LRP1B: variants seen among roughly 807,000 people sequenced by gnomAD.
LRP1B encodes low-density lipoprotein receptor-related protein 1B.
A neutral mutation model predicts 556.6 loss-of-function variants in LRP1B; 217 were observed. That is an observed-to-expected ratio of 0.39 (90% CI 0.35 to 0.44). The LOEUF (loss-of-function observed/expected upper bound fraction) is 0.44, where lower values mean the gene tolerates loss of function less well. Among genes scored for constraint, LRP1B ranks in the 20% least tolerant of loss-of-function variants. The pLI, the probability that LRP1B is intolerant of heterozygous loss-of-function variation, is 1.00. For missense variants in LRP1B, 5,053 were observed against 5,620.8 expected (o/e 0.90, Z 3.23); for synonymous variants, 2,047 against 1,865.8 (o/e 1.10, Z -2.50).
chr2:141,158,877 T>C lies in LRP1B; in HGVS notation c.1013+29544A>G, dbSNP rs550331761. Among the ~76,000 whole-genome samples the C allele has an allele frequency of 2.1e-4, 32 of 152,296 alleles. No homozygotes were observed. The South Asian group carries it at 6.6e-3, about 32-fold the overall frequency. ...AATCAAGACCTAAATTGGTGAACTGTAACTCAGCTGGAAGCATCAATCTGG... is the reference window on the plus strand; with the variant it reads ...AATCAAGACCTAAATTGGTGAACTGCAACTCAGCTGGAAGCATCAATCTGG... On this transcript the variant is annotated intron_variant, in intron 7 of 90. Coordinates refer to ENST00000389484, the MANE Select transcript of LRP1B (RefSeq NM_018557.3).
chr2:140,715,314 G>A (rs1050462440), intron 37 of LRP1B, among the ~76,000 whole-genome samples: 1 of 152,002 alleles, frequency 6.6e-6, no homozygotes, highest in African/African-American at 2.4e-5. Context: ...TGTTATTGCA[G>A]TATATAAGAT....
intron 3 of LRP1B, among the ~76,000 whole-genome samples, chr2:141,347,989 T>A (rs1033019195): frequency 2.6e-5 from 4 of 152,084 alleles, no homozygotes; most frequent in African/African-American, 9.7e-5. Flanking sequence ...GCCTGTTAAA[T>A]CAGACCAGGT....
At chr2:140,234,934 C>T (rs2104875094) in intron 89 of LRP1B, 50 bp from the exon 90 acceptor site, 1 of 739,676 alleles carries the variant, frequency 1.4e-6, no homozygotes, top group South Asian at 1.5e-5. Context: ...TATAGAATCA[C>T]TTTTCATCGA....
chr2:141,058,570 T>C (rs1035407386), intron 9 of LRP1B, among the ~76,000 whole-genome samples: 1 of 151,900 alleles, frequency 6.6e-6, no homozygotes, highest in Non-Finnish European at 1.5e-5. Context: ...CAAAATGATA[T>C]TTAAAAGGAA....
chr2:141,617,684 C>A (rs1688358543), intron 2 of LRP1B, among the ~76,000 whole-genome samples: 2 of 152,126 alleles, frequency 1.3e-5, no homozygotes, highest in South Asian at 4.1e-4. Context: ...ACAATACTGA[C>A]AGATTCACAA....
chr2:142,015,259 A>G (rs1317137641), intron 1 of LRP1B, among the ~76,000 whole-genome samples: 1 of 152,200 alleles, frequency 6.6e-6, no homozygotes, highest in African/African-American at 2.4e-5. Context: ...CCTGACAAAA[A>G]TAATCAATGG....
intron 58 of LRP1B, among the ~76,000 whole-genome samples, chr2:140,486,857 T>C (rs1344638589): frequency 1.3e-5 from 2 of 151,904 alleles, no homozygotes; most frequent in African/African-American, 2.4e-5. Context: ...TGTTTCATCA[T>C]TGTACATGCA....
intron 3 of LRP1B, among the ~76,000 whole-genome samples, chr2:141,467,102 GTATATATATATATATATATATC>G (rs1682245548): frequency 5.6e-4 from 47 of 84,382 alleles, no homozygotes; most frequent in African/African-American, 2.7e-3. Flanking sequence ...ATATATATGT[GTATATATATATATATATATATC>G]TATATATATA....
At chr2:141,415,836 TAAAG>T (rs1287448877) in intron 3 of LRP1B, among the ~76,000 whole-genome samples, 5 of 152,196 alleles carry the variant, frequency 3.3e-5, no homozygotes, top group African/African-American at 1.2e-4. Flanking sequence ...GGAAATGTAA[TAAAG>T]AAAGTTCTCA....
chr2:140,862,740 A>G (rs1340764945), intron 27 of LRP1B, among the ~76,000 whole-genome samples: 4 of 152,314 alleles, frequency 2.6e-5, no homozygotes, highest in Middle Eastern at 3.4e-3. Flanking sequence ...AGCTGGTAAA[A>G]TGTTATTTCT....
At chr2:141,299,094 T>C (rs895766766) in intron 3 of LRP1B, among the ~76,000 whole-genome samples, 1 of 152,060 alleles carries the variant, frequency 6.6e-6, no homozygotes, top group Non-Finnish European at 1.5e-5. Flanking sequence ...AACTTGCAGC[T>C]AGTGTCAGAA....
intron 84 of LRP1B, among the ~76,000 whole-genome samples, chr2:140,291,320 T>TATATATATATGTATATATA (rs745524571): frequency 3.9e-5 from 2 of 51,856 alleles, no homozygotes; most frequent in Non-Finnish European, 7.7e-5. Flanking sequence ...ATATATATAT[T>TATATATATATGTATATATA]TTTATTATAC....
intron 1 of LRP1B, among the ~76,000 whole-genome samples, chr2:141,889,629 C>G (rs745968848): frequency 6.6e-6 from 1 of 152,106 alleles, no homozygotes; most frequent in Non-Finnish European, 1.5e-5. Flanking sequence ...ATCGTCTTAT[C>G]TCCAGGGTTT....
intron 41 of LRP1B, among the ~76,000 whole-genome samples, chr2:140,626,565 A>T (rs1023955365): frequency 6.6e-6 from 1 of 152,126 alleles, no homozygotes; most frequent in Non-Finnish European, 1.5e-5. Context: ...TAAAATACAA[A>T]CATCAAACAA....
intron 72 of LRP1B, among the ~76,000 whole-genome samples, chr2:140,361,323 T>C (rs1323840625): frequency 9.0e-6 from 1 of 111,420 alleles, no homozygotes; most frequent in Non-Finnish European, 1.8e-5. Context: ...TGAATATTTA[T>C]CAATGCTACT....
chr2:141,329,655 A>AAAAAAAAAAAAAC (rs1687567484), intron 3 of LRP1B, among the ~76,000 whole-genome samples: 4 of 138,076 alleles, frequency 2.9e-5, no homozygotes, highest in African/African-American at 1.1e-4. Context: ...AAAAAAAAAA[A>AAAAAAAAAAAAAC]AAAAAAAAAA....
intron 3 of LRP1B, among the ~76,000 whole-genome samples, chr2:141,472,871 G>T (rs565168754): frequency 1.3e-5 from 2 of 151,958 alleles, no homozygotes; most frequent in East Asian, 3.9e-4. Context: ...ATTCTGTTTG[G>T]AGGAAGAGAA....
intron 2 of LRP1B, among the ~76,000 whole-genome samples, chr2:141,644,172 G>A (rs941986694): frequency 2.6e-5 from 4 of 151,980 alleles, no homozygotes; most frequent in Non-Finnish European, 5.9e-5. Context: ...TGGTTTGGCT[G>A]TGTCCCCACC....
At chr2:141,690,430 T>TATATATAC (rs1691481142) in intron 2 of LRP1B, among the ~76,000 whole-genome samples, 1 of 119,682 alleles carries the variant, frequency 8.4e-6, no homozygotes, top group Non-Finnish European at 1.8e-5. Context: ...TATATATATA[T>TATATATAC]ATATATATAT....
Sources: gnomAD v4.1 joint callset for allele counts (sites outside exome capture counted in the v4.1 genomes callset) on GRCh38, gnomAD v4.1.1 for gene constraint, MANE v1.5 for transcripts, NCBI Gene and HGNC (gene_info 2026-07-23, HGNC 2026-07-21) for gene names.